Variants in LNX2 observed in about 807,000 individuals in gnomAD.
LNX2 encodes the protein ligand of numb-protein X 2.
In LNX2, 35 loss-of-function variants were observed where a neutral mutation model predicts 66.2. That is an observed-to-expected ratio of 0.53 (90% CI 0.40 to 0.70). The LOEUF (loss-of-function observed/expected upper bound fraction) is 0.70, where lower values mean the gene tolerates loss of function less well. LNX2 is among the 30% of genes least tolerant of loss of function. LNX2 has a pLI of 0.00. For synonymous variants in LNX2, 337 were observed against 315.6 expected (o/e 1.07, Z -0.72); for missense variants, 791 against 850.8 (o/e 0.93, Z 0.87).
In LNX2 at chr13:27,562,275, G is replaced by C. The variant is rs1051327569; in HGVS notation, c.1224+138C>G. 14 of 1,044,518 alleles carry C rather than the reference G, an allele frequency of 1.3e-5. No homozygotes were observed. The African/African-American group carries it at 1.4e-4, about 11-fold the overall frequency. 64.7% of individuals were successfully genotyped at this position (1,044,518 alleles called of 1,614,324 possible). On this transcript the variant is annotated intron_variant, in intron 5 of 9. Transcript: ENST00000316334. ...AAGTTATACTAGTGTGGATTTTAAAGAATTCAGGTAGCCACACCCGATTTT... is the reference window on the plus strand; with the variant it reads ...AAGTTATACTAGTGTGGATTTTAAACAATTCAGGTAGCCACACCCGATTTT...
intron 1 of LNX2, among the ~76,000 whole-genome samples, chr13:27,608,870 T>C (rs1396542151): frequency 6.7e-6 from 1 of 149,518 alleles, no homozygotes; most frequent in Non-Finnish European, 1.5e-5. Context: ...AGTGGTACGA[T>C]CTTGGCTCAC....
intron 1 of LNX2, among the ~76,000 whole-genome samples, chr13:27,583,169 A>AGTGTGTGT (rs763165039): frequency 1.4e-4 from 6 of 44,118 alleles, no homozygotes; most frequent in East Asian, 8.4e-4. Flanking sequence ...TCAGAGCAGC[A>AGTGTGTGT]GTGTGTGTGT....
chr13:27,584,367 A>G (rs779550182), intron 1 of LNX2, among the ~76,000 whole-genome samples: 2 of 149,240 alleles, frequency 1.3e-5, no homozygotes, highest in Non-Finnish European at 3.0e-5. Flanking sequence ...CCTGGGCAAT[A>G]TGGTAGGACC....
At position 27,550,522 on chromosome 13, in the gene LNX2, T is replaced by C. The variant is rs749487366; in HGVS notation, c.1779-31A>G. On this transcript the variant is annotated intron_variant, in intron 8 of 9. Coordinates refer to ENST00000316334, the MANE Select transcript of LNX2 (RefSeq NM_153371.4). Reference sequence around the variant, plus strand: ...AACAAACAGAAAAATAAAGAAAAAATTAACATGGAGGCTTTTATAGCCGCT... The same window carrying C: ...AACAAACAGAAAAATAAAGAAAAAACTAACATGGAGGCTTTTATAGCCGCT... The C allele has an allele frequency of 5.1e-6, 8 of 1,567,412 alleles. No homozygotes were observed. In the African/African-American group the frequency reaches 1.1e-4, roughly 22 times the overall value.
chr13:27,579,333 A>G (rs1955374296), intron 2 of LNX2, among the ~76,000 whole-genome samples: 1 of 152,164 alleles, frequency 6.6e-6, no homozygotes, highest in Non-Finnish European at 1.5e-5. Context: ...ATACTCAGTA[A>G]TCACTCTTAG....
chr13:27,587,978 G>A (rs138324276), intron 1 of LNX2, among the ~76,000 whole-genome samples: 13 of 132,912 alleles, frequency 9.8e-5, no homozygotes, highest in South Asian at 9.4e-4. Flanking sequence ...CCGAGATGGC[G>A]CCACTTCACT....
chr13:27,569,896 C>T (rs1326737110), intron 2 of LNX2, among the ~76,000 whole-genome samples: 1 of 152,186 alleles, frequency 6.6e-6, no homozygotes, highest in African/African-American at 2.4e-5. Flanking sequence ...TATTGATATG[C>T]TATGTAAACT....
Position 27,553,304 on chromosome 13 carries a change from GCCT to G in LNX2, c.1679_1681del (p.Glu560del). The G allele has an allele frequency of 6.2e-7, 1 of 1,614,132 alleles. No individual in the cohort carries two copies. Among genetic ancestry groups the G allele is most frequent in the Non-Finnish European group, 8.5e-7 (1 of 1,180,028 alleles). On this transcript the variant is annotated inframe_deletion, in exon 8 of 10. Coordinates refer to ENST00000316334, the MANE Select transcript of LNX2 (RefSeq NM_153371.4). ...CGGCTGCTCCTCCGCGTTCTGAGTC[GCCT>G]CCTCAACAATCTGGACCTCAAGTGC...
intron 1 of LNX2, among the ~76,000 whole-genome samples, chr13:27,593,430 C>T (rs918624552): frequency 6.6e-6 from 1 of 152,110 alleles, no homozygotes; most frequent in Admixed American, 6.6e-5. Context: ...CTCCATCAGC[C>T]ACAGAGACTA....
In LNX2 at chr13:27,581,794, G is replaced by A; in HGVS notation, c.-91C>T. On this transcript the variant is annotated 5_prime_UTR_variant, in exon 2 of 10. Transcript: ENST00000316334. ...AGTGATGTATCTGACTAAAGTCAAG[G>A]TGTGTTTTTCTAGATAAGCAAAACA... The A allele has an allele frequency of 2.7e-6, 3 of 1,113,074 alleles. No homozygotes were observed. In the South Asian group the frequency reaches 5.7e-5, roughly 21 times the overall value. 68.9% of individuals were successfully genotyped at this position (1,113,074 alleles called of 1,614,324 possible).
Position 27,583,261 on chromosome 13 carries a change from C to CGCGCGCGCGCGCGCGCGT in LNX2, c.-100-1459_-100-1458insACGCGCGCGCGCGCGCGC, listed in dbSNP as rs11281345. Among the ~76,000 whole-genome samples the CGCGCGCGCGCGCGCGCGT allele has an allele frequency of 2.2e-3, 102 of 45,482 alleles. 29 individuals carry two copies. Among genetic ancestry groups the CGCGCGCGCGCGCGCGCGT allele is most frequent in the Middle Eastern group, 0.01 (1 of 96 alleles). 29.8% of individuals were successfully genotyped at this position (45,482 alleles called of 152,430 possible). ...GTGTGTGTGTGTGTGTGTGTGCGCG[C>CGCGCGCGCGCGCGCGCGT]GTCCTCTCCAACATACTTATTTTTA... On this transcript the variant is annotated intron_variant, in intron 1 of 9. Coordinates refer to ENST00000316334, the MANE Select transcript of LNX2 (RefSeq NM_153371.4).
At chr13:27,599,145 A>G (rs921889896) in intron 1 of LNX2, among the ~76,000 whole-genome samples, 1 of 152,182 alleles carries the variant, frequency 6.6e-6, no homozygotes, top group Non-Finnish European at 1.5e-5. Flanking sequence ...ATAGCATCTC[A>G]AATTTTGAGC....
At chr13:27,581,929 A>T (rs142574295) in intron 1 of LNX2, 126 bp from the exon 2 acceptor site, 19 of 377,868 alleles carry the variant, frequency 5.0e-5, no homozygotes, top group Middle Eastern at 6.8e-4. Flanking sequence ...TCAGGTAATA[A>T]ATTAGTCATA....
rs11281345 is a variant in LNX2, at chr13:27,583,261, C to CGCGCGCGCGCGT, written c.-100-1459_-100-1458insACGCGCGCGCGC. ...GTGTGTGTGTGTGTGTGTGTGCGCG[C>CGCGCGCGCGCGT]GTCCTCTCCAACATACTTATTTTTA... On this transcript the variant is annotated intron_variant, in intron 1 of 9. Coordinates refer to ENST00000316334, the MANE Select transcript of LNX2 (RefSeq NM_153371.4). Among the ~76,000 whole-genome samples the CGCGCGCGCGCGT allele has an allele frequency of 3.1e-3, 142 of 45,474 alleles. 33 individuals are homozygous for CGCGCGCGCGCGT. Among genetic ancestry groups the CGCGCGCGCGCGT allele is most frequent in the South Asian group, 8.0e-3 (10 of 1,244 alleles). The allele number at this position is 45,474 out of a possible 152,430, so 29.8% of individuals were successfully genotyped here.
At chr13:27,566,749 C>T (rs761280089) in intron 4 of LNX2, among the ~76,000 whole-genome samples, 1 of 152,038 alleles carries the variant, frequency 6.6e-6, no homozygotes, top group Non-Finnish European at 1.5e-5. Flanking sequence ...GGTGAAGGAC[C>T]GAACCACAAA....
upstream of LNX2, chr13:27,621,065 C>G (rs1955906344): frequency 6.5e-6 from 1 of 153,154 alleles, no homozygotes; most frequent in Non-Finnish European, 1.5e-5. Context: ...AAGGCCGGGA[C>G]GCAGGGAGCT....
chr13:27,582,713 G>A (rs930384528), intron 1 of LNX2, among the ~76,000 whole-genome samples: 5 of 152,094 alleles, frequency 3.3e-5, no homozygotes, highest in African/African-American at 1.2e-4. Flanking sequence ...GACACAGGGA[G>A]GGGAACATCA....
intron 1 of LNX2, among the ~76,000 whole-genome samples, chr13:27,612,802 C>T (rs916963021): frequency 6.6e-6 from 1 of 152,186 alleles, no homozygotes; most frequent in Non-Finnish European, 1.5e-5. Context: ...GTTGCCCAGG[C>T]TAGGCTCAAA....
intron 1 of LNX2, among the ~76,000 whole-genome samples, chr13:27,594,124 G>A (rs1349458789): frequency 6.6e-6 from 1 of 152,034 alleles, no homozygotes; most frequent in Non-Finnish European, 1.5e-5. Context: ...ATTGTTCTAA[G>A]CCTAGTCAAT....
Sources: allele counts gnomAD v4.1 joint callset (sites outside exome capture counted in the v4.1 genomes callset), GRCh38; gene constraint gnomAD v4.1.1; transcripts MANE v1.5; gene names NCBI Gene and HGNC (gene_info 2026-07-23, HGNC 2026-07-21).